MSANTD1: variants seen among roughly 807,000 people sequenced by gnomAD.
The protein encoded by MSANTD1 is myb/SANT-like DNA-binding domain-containing protein 1.
MSANTD1 carries 7 observed loss-of-function variants against 24.2 expected under a neutral mutation model. The observed-to-expected ratio is 0.29, with a 90% CI of 0.16 to 0.54. MSANTD1 has a LOEUF of 0.54. MSANTD1 is among the 20% of genes least tolerant of loss of function. The pLI is 0.94. For synonymous variants in MSANTD1, 177 were observed against 181.1 expected (o/e 0.98, Z 0.18); for missense variants, 384 against 408.2 (o/e 0.94, Z 0.51).
chr4:3,253,392 T>C lies in MSANTD1; in HGVS notation c.506T>C (p.Leu169Pro). The C allele has an allele frequency of 6.2e-7, 1 of 1,609,118 alleles. No homozygotes were observed. Among genetic ancestry groups the C allele is most frequent in the Non-Finnish European group, 8.5e-7 (1 of 1,177,724 alleles). ...SLSPPAKSTP[L>P]YFPYNQCSYE... is the part of the protein sequence containing the mutation. ...TCGCCGCCCGCTAAGTCCACCCCTC[T>C]GTACTTCCCGTATAACCAGTGCTCC... is the stretch of plus-strand genomic sequence containing the variant. The change falls in exon 2 of 3, where the codon CTG becomes CCG. Residue 169 changes from leucine (L) to proline (P), a missense_variant. Transcript: ENST00000438480.
upstream of MSANTD1, among the ~76,000 whole-genome samples, chr4:3,245,772 A>G (rs1045482841): frequency 5.3e-5 from 8 of 152,316 alleles, no homozygotes; most frequent in South Asian, 2.1e-4. Flanking sequence ...CAGAGGACCC[A>G]GTCCTGTTGC....
upstream of MSANTD1, among the ~76,000 whole-genome samples, chr4:3,246,974 C>T (rs936324960): frequency 1.3e-5 from 2 of 152,148 alleles, no homozygotes; most frequent in South Asian, 4.1e-4. Context: ...CACTGGAACT[C>T]GGGCAGGCAG....
At chr4:3,246,899 C>T (rs1722046264), upstream of MSANTD1, among the ~76,000 whole-genome samples, 1 of 152,284 alleles carries the variant, frequency 6.6e-6, no homozygotes, top group South Asian at 2.1e-4. Context: ...CCTGGGAATG[C>T]TGCCTGGAGG....
chr4:3,247,393 C>T (rs773711550), upstream of MSANTD1: 1 of 152,304 alleles, frequency 6.6e-6, no homozygotes, highest in Non-Finnish European at 1.5e-5. Context: ...CCACCTCTGC[C>T]CTTGGAGTCA....
chr4:3,246,708 C>T (rs560094798), upstream of MSANTD1: 1 of 685,056 alleles, frequency 1.5e-6, no homozygotes, highest in Middle Eastern at 2.3e-4. Flanking sequence ...GATGTGGGGA[C>T]CCTCCCAGGC....
At chr4:3,254,185 G>C (rs1722317582) in intron 2 of MSANTD1, among the ~76,000 whole-genome samples, 2 of 152,184 alleles carry the variant, frequency 1.3e-5, no homozygotes, top group African/African-American at 2.4e-5. Flanking sequence ...CCATTTGGAG[G>C]CAAGAACAGG....
Position 3,255,761 on chromosome 4 carries a change from G to T in MSANTD1, c.633G>T (p.Gln211His). The T allele has an allele frequency of 6.5e-7, 1 of 1,546,728 alleles. No homozygotes were observed. The highest frequency in any genetic ancestry group is 8.7e-7 in the Non-Finnish European group (1 of 1,146,538). Residue 211 changes from glutamine (Q) to histidine (H), a missense_variant, in exon 3 of 3, where the codon CAG becomes CAT. Coordinates refer to ENST00000438480, the MANE Select transcript of MSANTD1 (RefSeq NM_001042690.2). Reference sequence around the variant, plus strand: ...GGCCGGTGAAGAAGCGCAAGGTGCAGAGCTGCCACCTGCAGAAGAAGCAGC... The same window carrying T: ...GGCCGGTGAAGAAGCGCAAGGTGCATAGCTGCCACCTGCAGAAGAAGCAGC... The part of the protein sequence containing the change: ...EERPVKKRKV[Q>H]SCHLQKKQLR...
intron 2 of MSANTD1, among the ~76,000 whole-genome samples, chr4:3,253,911 T>A (rs866903916): frequency 1.3e-5 from 2 of 152,160 alleles, no homozygotes; most frequent in Non-Finnish European, 2.9e-5. Context: ...ACAGGCTAGC[T>A]GCCCTCTCAG....
chr4:3,255,191 G>A (rs551655253), intron 2 of MSANTD1, among the ~76,000 whole-genome samples: 3 of 151,972 alleles, frequency 2.0e-5, no homozygotes, highest in South Asian at 2.1e-4. Flanking sequence ...TCCGCTAGTC[G>A]CAAAGGACGG....
chr4:3,245,163 G>A (rs1288830339), upstream of MSANTD1: 3 of 152,446 alleles, frequency 2.0e-5, no homozygotes, highest in Admixed American at 6.5e-5. Context: ...AAGAAGAGGG[G>A]CCGGGGTCCA....
rs1474075287 is a variant in MSANTD1, at chr4:3,255,861, C to A, written c.733C>A (p.Arg245Ser). ...RAVEETCREVRRVLDQQHILQ... is the reference protein window; with the variant it reads ...RAVEETCREVSRVLDQQHILQ... ...CGTGGAGGAGACCTGCCGCGAGGTG[C>A]GCCGCGTGCTGGACCAGCAGCACAT... Residue 245 changes from arginine (R) to serine (S), a missense_variant, in exon 3 of 3, where the codon CGC becomes AGC. Transcript: ENST00000438480. 6.5e-7 allele frequency: 1 copy of A among 1,545,292 alleles called. No homozygotes were observed. Among genetic ancestry groups the A allele is most frequent in the Non-Finnish European group, 8.7e-7 (1 of 1,146,432 alleles).
chr4:3,254,464 G>T (rs977250528), intron 2 of MSANTD1, among the ~76,000 whole-genome samples: 2 of 152,210 alleles, frequency 1.3e-5, no homozygotes, highest in African/African-American at 4.8e-5. Flanking sequence ...AGCTGCCTGG[G>T]GCCTTGCACA....
In MSANTD1 at chr4:3,255,867, G is replaced by A. The variant is rs1415115661; in HGVS notation, c.739G>A (p.Val247Met). Residue 247 changes from valine to methionine, a missense_variant, in exon 3 of 3, where the codon GTG (valine) becomes ATG (methionine). Val to Met is a conservative substitution (Grantham distance 21, BLOSUM62 1). Transcript: ENST00000438480. ...VEETCREVRRVLDQQHILQVQ... is the reference protein window; with the variant it reads ...VEETCREVRRMLDQQHILQVQ... ...GGAGACCTGCCGCGAGGTGCGCCGC[G>A]TGCTGGACCAGCAGCACATCCTGCA... 7.8e-6 allele frequency: 12 copies of A among 1,545,202 alleles called. No individual in the cohort carries two copies. Among genetic ancestry groups the A allele is most frequent in the African/African-American group, 1.4e-5 (1 of 72,984 alleles).
At position 3,249,533 on chromosome 4, in the gene MSANTD1, T is replaced by A; in HGVS notation, c.311T>A (p.Phe104Tyr). ...EIKIKITNMTFQYRKLKCMTD... is the reference protein window; with the variant it reads ...EIKIKITNMTYQYRKLKCMTD... The stretch of plus-strand genomic sequence containing the variant: ...AAGATCAAGATCACCAACATGACCT[T>A]CCAGTACAGGTGGGCGAGCGGGCAG... The change falls in exon 1 of 3, where the codon TTC (phenylalanine) becomes TAC (tyrosine). Residue 104 changes from phenylalanine to tyrosine, a missense_variant. Physicochemically the swap from Phe to Tyr is conservative, Grantham distance 22. Transcript: ENST00000438480. The A allele has an allele frequency of 6.2e-7, 1 of 1,609,604 alleles. No homozygotes were observed. The highest frequency in any genetic ancestry group is 8.5e-7 in the Non-Finnish European group (1 of 1,177,996).
upstream of MSANTD1, among the ~76,000 whole-genome samples, chr4:3,245,818 G>A (rs1029240576): frequency 5.9e-5 from 9 of 152,194 alleles, no homozygotes; most frequent in African/African-American, 9.7e-5. Context: ...CAGTGTGGCC[G>A]GCTTTCTCCA....
chr4:3,255,761 G>A lies in MSANTD1; in HGVS notation c.633G>A (p.Gln211=). ...GGCCGGTGAAGAAGCGCAAGGTGCA[G>A]AGCTGCCACCTGCAGAAGAAGCAGC... ...EERPVKKRKV[Q]SCHLQKKQLR... The change falls in exon 3 of 3, where the codon CAG becomes CAA. Residue 211 remains glutamine (Q), a synonymous_variant. Transcript: ENST00000438480. 6.5e-7 allele frequency: 1 copy of A among 1,546,728 alleles called. No individual in the cohort carries two copies. Among genetic ancestry groups the A allele is most frequent in the Non-Finnish European group, 8.7e-7 (1 of 1,146,538 alleles).
Position 3,255,792 on chromosome 4 carries a change from C to T in MSANTD1, c.664C>T (p.Leu222=). Residue 222 remains leucine, a synonymous_variant, in exon 3 of 3, where the codon CTG becomes TTG. Coordinates refer to ENST00000438480, the MANE Select transcript of MSANTD1 (RefSeq NM_001042690.2). Reference sequence around the variant, plus strand: ...CCACCTGCAGAAGAAGCAGCTGCGGCTGCTGGAGGCCATGGTGGAGGAGCA... The same window carrying T: ...CCACCTGCAGAAGAAGCAGCTGCGGTTGCTGGAGGCCATGGTGGAGGAGCA... The part of the protein sequence containing the change: ...SCHLQKKQLR[L]LEAMVEEQRR... 1 of 1,546,898 alleles carries T rather than the reference C, an allele frequency of 6.5e-7. No individual in the cohort carries two copies.
Position 3,255,765 on chromosome 4 carries a change from T to G in MSANTD1, c.637T>G (p.Cys213Gly). The G allele has an allele frequency of 6.5e-7, 1 of 1,546,796 alleles. No homozygotes were observed. The highest frequency in any genetic ancestry group is 8.7e-7 in the Non-Finnish European group (1 of 1,146,544). ...RPVKKRKVQS[C>G]HLQKKQLRLL... ...GGTGAAGAAGCGCAAGGTGCAGAGC[T>G]GCCACCTGCAGAAGAAGCAGCTGCG... is the stretch of plus-strand genomic sequence containing the variant. The change falls in exon 3 of 3, where the codon TGC becomes GGC. Residue 213 changes from cysteine (C) to glycine (G), a missense_variant. Coordinates refer to ENST00000438480, the MANE Select transcript of MSANTD1 (RefSeq NM_001042690.2).
rs959162848 is a variant in MSANTD1 at position 3,256,267 on chromosome 4, A to G, written c.*302A>G. 1.9e-5 allele frequency: 5 copies of G among 266,356 alleles called. No individual in the cohort carries two copies. The highest frequency in any genetic ancestry group is 1.4e-4 in the East Asian group (2 of 13,918). The allele number at this position is 266,356 out of a possible 1,614,324, so 16.5% of individuals were successfully genotyped here. A position where few individuals can be genotyped will look rare whatever the true frequency, so the allele number is the denominator to read the frequency against. On this transcript the variant is annotated 3_prime_UTR_variant, in exon 3 of 3. Transcript: ENST00000438480. ...CTCCAGTGTCGTTACTATCAATGAT[A>G]CTTGACGTGGCTTTGATATTAAACG...
Sources: gnomAD v4.1 joint callset for allele counts (sites outside exome capture counted in the v4.1 genomes callset) on GRCh38, gnomAD v4.1.1 for gene constraint, MANE v1.5 for transcripts, NCBI Gene and HGNC (gene_info 2026-07-23, HGNC 2026-07-21) for gene names.